The following UBR3 variants were observed in gnomAD, a reference collection of about 807,000 sequenced individuals.
UBR3 encodes E3 ubiquitin-protein ligase UBR3.
Under a neutral mutation model 243.2 loss-of-function variants are expected in UBR3, and 85 were observed. The ratio of observed to expected loss-of-function variants is 0.35; its 90% CI spans 0.29 to 0.42. The LOEUF (loss-of-function observed/expected upper bound fraction) is 0.42. Ranked by LOEUF, UBR3 falls within the 10% of genes least tolerant of loss-of-function variation. The pLI, the probability that UBR3 is intolerant of heterozygous loss-of-function variation, is 1.00. For synonymous variants in UBR3, 748 were observed against 799.8 expected (o/e 0.94, Z 1.09); for missense variants, 1,686 against 2,300.8 (o/e 0.73, Z 5.47).
Position 169,946,406 on chromosome 2 carries a change from A to C in UBR3, c.2910+14A>C. 1 of 1,437,236 alleles carries C rather than the reference A, an allele frequency of 7.0e-7. No homozygotes were observed. Among genetic ancestry groups the C allele is most frequent in the South Asian group, 1.5e-5 (1 of 68,214 alleles). The allele number at this position is 1,437,236 out of a possible 1,614,324, so 89.0% of individuals were successfully genotyped here. A position where few individuals can be genotyped will look rare whatever the true frequency, so the allele number is the denominator to read the frequency against. The stretch of plus-strand genomic sequence containing the variant: ...TCAGATGAAGAGGTAAGTAGTTTTT[A>C]TAATTTAAAATTTTTAGATAGGCAG... On this transcript the variant is annotated intron_variant, in intron 21 of 38. Coordinates refer to ENST00000272793, the MANE Select transcript of UBR3 (RefSeq NM_172070.4).
chr2:169,994,278 G>T (rs974813351), intron 25 of UBR3, 45 bp from the exon 26 acceptor site: 1 of 1,608,206 alleles, frequency 6.2e-7, no homozygotes, highest in African/African-American at 1.3e-5. Context: ...ACAGGTCTAT[G>T]GCACTGATTA....
intron 1 of UBR3, among the ~76,000 whole-genome samples, chr2:169,860,548 A>G (rs2083051605): frequency 1.3e-5 from 2 of 152,174 alleles, no homozygotes; most frequent in South Asian, 4.1e-4. Context: ...TTGCTACTCC[A>G]TCTTGACAAG....
intron 18 of UBR3, among the ~76,000 whole-genome samples, chr2:169,930,242 A>G (rs2086069288): frequency 6.6e-6 from 1 of 152,174 alleles, no homozygotes; most frequent in Non-Finnish European, 1.5e-5. Context: ...GCTTTTTAAA[A>G]CAAGCTGTTT....
intron 27 of UBR3, among the ~76,000 whole-genome samples, chr2:170,003,766 G>A (rs541442865): frequency 2.0e-5 from 3 of 151,676 alleles, no homozygotes; most frequent in Admixed American, 1.3e-4. Context: ...TCAGCCTCCC[G>A]AGTGGCTGGG....
intron 23 of UBR3, among the ~76,000 whole-genome samples, chr2:169,954,833 A>G (rs1019913700): frequency 1.3e-5 from 2 of 152,116 alleles, no homozygotes; most frequent in African/African-American, 4.8e-5. Context: ...TCGGCATCCC[A>G]AAGTGCTGGG....
chr2:170,061,439 G>A lies in UBR3; in HGVS notation c.5015G>A (p.Cys1672Tyr), dbSNP rs1472790699. 8 of 1,611,206 alleles carry A rather than the reference G, an allele frequency of 5.0e-6. No individual in the cohort carries two copies. Among genetic ancestry groups the A allele is most frequent in the Non-Finnish European group, 5.9e-6 (7 of 1,179,446 alleles). Residue 1672 changes from cysteine to tyrosine, a missense_variant, in exon 35 of 39, where the codon TGC becomes TAC. Cys to Tyr is a radical substitution (Grantham distance 194, BLOSUM62 -2). Around this residue, in one of 8 missense-constraint regions of UBR3, gnomAD observed 371 missense variants for 422.5 expected, o/e 0.88. Transcript: ENST00000272793. ...CTTTTTGGGGAAGATTTACCTAGCT[G>A]CCAGGTAGATAATTTGGGATATGTA... Reference protein sequence around the residue: ...HHLFGEDLPSCQEEEEFSVLA... With the variant: ...HHLFGEDLPSYQEEEEFSVLA...
chr2:169,843,041 C>G (rs1481327713), intron 1 of UBR3, among the ~76,000 whole-genome samples: 1 of 152,210 alleles, frequency 6.6e-6, no homozygotes, highest in African/African-American at 2.4e-5. Flanking sequence ...CTTAATGCTT[C>G]TTTTATGGCA....
At chr2:169,912,690 C>A (rs1378192760) in intron 10 of UBR3, among the ~76,000 whole-genome samples, 1 of 152,020 alleles carries the variant, frequency 6.6e-6, no homozygotes. Context: ...TTTGTGTGAA[C>A]ATATATTTTC....
intron 2 of UBR3, among the ~76,000 whole-genome samples, 178 bp downstream of exon 2, chr2:169,872,553 A>G (rs1169222136): frequency 2.0e-5 from 3 of 152,118 alleles, no homozygotes; most frequent in Admixed American, 6.6e-5. Context: ...ATAACCTTAT[A>G]TGTTGCAGTA....
At chr2:169,918,615 C>T (rs1321095741) in intron 11 of UBR3, among the ~76,000 whole-genome samples, 1 of 151,944 alleles carries the variant, frequency 6.6e-6, no homozygotes, top group East Asian at 1.9e-4. Flanking sequence ...AGCCATTGTG[C>T]CTGGCCAATA....
intron 24 of UBR3, among the ~76,000 whole-genome samples, chr2:169,977,217 T>C (rs985189285): frequency 6.6e-6 from 1 of 152,192 alleles, no homozygotes; most frequent in Non-Finnish European, 1.5e-5. Flanking sequence ...CCTGGCAATT[T>C]GTTGATTTCC....
intron 1 of UBR3, among the ~76,000 whole-genome samples, chr2:169,850,033 C>T (rs1354717742): frequency 6.6e-6 from 1 of 152,056 alleles, no homozygotes; most frequent in African/African-American, 2.4e-5. Flanking sequence ...AGTGGGCACA[C>T]TTTGGGTTGT....
At chr2:169,851,938 C>T (rs1474608070) in intron 1 of UBR3, among the ~76,000 whole-genome samples, 1 of 151,794 alleles carries the variant, frequency 6.6e-6, no homozygotes, top group African/African-American at 2.4e-5. Context: ...ATGTGAACTA[C>T]TCTTTTGCTT....
At chr2:169,853,775 C>T (rs1046373200) in intron 1 of UBR3, among the ~76,000 whole-genome samples, 5 of 103,642 alleles carry the variant, frequency 4.8e-5, no homozygotes, top group South Asian at 2.9e-4. Flanking sequence ...AAAGGGACTT[C>T]GTTTTTTTTT....
At chr2:169,917,961 C>G (rs1303237673) in intron 11 of UBR3, among the ~76,000 whole-genome samples, 1 of 152,194 alleles carries the variant, frequency 6.6e-6, no homozygotes, top group East Asian at 1.9e-4. Flanking sequence ...CCTCGGCCTC[C>G]CAAAGTTCTG....
At chr2:169,897,081 A>G (rs187422574) in intron 8 of UBR3, among the ~76,000 whole-genome samples, 1 of 152,280 alleles carries the variant, frequency 6.6e-6, no homozygotes, top group Non-Finnish European at 1.5e-5. Context: ...TACAATAAAT[A>G]CTTTTTAAAA....
At chr2:169,991,266 T>G (rs542714837) in intron 25 of UBR3, among the ~76,000 whole-genome samples, 22 of 152,266 alleles carry the variant, frequency 1.4e-4, no homozygotes, top group Middle Eastern at 3.4e-3. Flanking sequence ...TTGGAGACTT[T>G]ATAGAACAAC....
intron 32 of UBR3, among the ~76,000 whole-genome samples, chr2:170,042,772 A>AT (rs1000296077): frequency 6.1e-5 from 9 of 148,374 alleles, no homozygotes; most frequent in African/African-American, 2.0e-4. Flanking sequence ...GCTGGATCAT[A>AT]TGGTAATTCT....
At chr2:169,835,058 T>C (rs1433796065) in intron 1 of UBR3, among the ~76,000 whole-genome samples, 1 of 152,156 alleles carries the variant, frequency 6.6e-6, no homozygotes, top group East Asian at 1.9e-4. Flanking sequence ...GTACAGAGTT[T>C]CAGTTTGGGA....
Sources: gnomAD v4.1 joint callset for allele counts (sites outside exome capture counted in the v4.1 genomes callset) on GRCh38, gnomAD v4.1.1 for gene constraint, gnomAD v4.1.1 regional missense constraint, MANE v1.5 for transcripts, NCBI Gene and HGNC (gene_info 2026-07-23, HGNC 2026-07-21) for gene names.